Variants in DOCK5 observed in about 807,000 individuals in gnomAD.
The protein encoded by DOCK5 is dedicator of cytokinesis protein 5.
A neutral mutation model predicts 251.8 loss-of-function variants in DOCK5; 142 were observed. That is an observed-to-expected ratio of 0.56 (90% CI 0.49 to 0.65). The LOEUF is 0.65. Among genes scored for constraint, DOCK5 ranks in the 30% least tolerant of loss-of-function variants. DOCK5 has a pLI of 0.00. For missense variants in DOCK5, 2,111 were observed against 2,312.3 expected (o/e 0.91, Z 1.79); for synonymous variants, 842 against 835.5 (o/e 1.01, Z -0.13).
In DOCK5 at chr8:25,410,048, C is replaced by T; in HGVS notation, c.5405-51C>T. 3 of 1,485,810 alleles carry T rather than the reference C, an allele frequency of 2.0e-6. No homozygotes were observed. In the South Asian group the frequency reaches 3.6e-5, roughly 18 times the overall value. The allele number at this position is 1,485,810 out of a possible 1,614,324, so 92.0% of individuals were successfully genotyped here. A position where few individuals can be genotyped will look rare whatever the true frequency, so the allele number is the denominator to read the frequency against. ...ACAGTGCCAGCAACATTTCCATGAG[C>T]TTCCTTGCTCAGTGCCTCTCTCTGC... On this transcript the variant is annotated intron_variant, in intron 50 of 51. Transcript: ENST00000276440.
intron 1 of DOCK5, among the ~76,000 whole-genome samples, chr8:25,241,963 A>G (rs1379239099): frequency 1.4e-5 from 2 of 147,556 alleles, no homozygotes; most frequent in Non-Finnish European, 3.0e-5. Context: ...TGAGAACACA[A>G]GGACACAGGG....
chr8:25,325,228 C>T (rs1444816736), intron 17 of DOCK5, 136 bp from the exon 18 acceptor site: 5 of 831,648 alleles, frequency 6.0e-6, no homozygotes, highest in Non-Finnish European at 9.4e-6. Flanking sequence ...CAGAGTATCT[C>T]AGAGGTGGAA....
At position 25,321,172 on chromosome 8, in the gene DOCK5, T is replaced by C. The variant is rs951578365; in HGVS notation, c.1615+120T>C. Reference sequence around the variant, plus strand: ...AAACTAGAGACTTGGCAGCTGTATTTTGTAACTCACTGGTGCTAAGGAAAT... The same window carrying C: ...AAACTAGAGACTTGGCAGCTGTATTCTGTAACTCACTGGTGCTAAGGAAAT... On this transcript the variant is annotated intron_variant, in intron 16 of 51. Transcript: ENST00000276440. 5 of 828,910 alleles carry C rather than the reference T, an allele frequency of 6.0e-6. No homozygotes were observed. The Admixed American group carries it at 6.7e-5, about 11-fold the overall frequency. 51.3% of individuals were successfully genotyped at this position (828,910 alleles called of 1,614,324 possible). A position where few individuals can be genotyped will look rare whatever the true frequency, so the allele number is the denominator to read the frequency against.
At chr8:25,362,998 C>T in intron 28 of DOCK5, 49 bp from the exon 29 acceptor site, 1 of 1,417,906 alleles carries the variant, frequency 7.1e-7, no homozygotes, top group Non-Finnish European at 1.0e-6. Flanking sequence ...AGAATAAAGA[C>T]TATGAACGTA....
chr8:25,320,077 C>T (rs1292850604), intron 15 of DOCK5, among the ~76,000 whole-genome samples: 1 of 152,146 alleles, frequency 6.6e-6, no homozygotes, highest in Non-Finnish European at 1.5e-5. Flanking sequence ...CAGTCATCTC[C>T]TTTGAGCCCC....
At chr8:25,256,797 T>G (rs1803431291) in intron 2 of DOCK5, among the ~76,000 whole-genome samples, 1 of 152,126 alleles carries the variant, frequency 6.6e-6, no homozygotes, top group African/African-American at 2.4e-5. Flanking sequence ...CCATTTGGTC[T>G]CTGCCAAGGC....
intron 5 of DOCK5, among the ~76,000 whole-genome samples, chr8:25,282,922 A>C (rs1804239121): frequency 2.8e-5 from 4 of 141,700 alleles, no homozygotes; most frequent in Admixed American, 2.2e-4. Flanking sequence ...TCTATAGTAC[A>C]TTTCCTTGTT....
chr8:25,368,792 C>T, intron 33 of DOCK5, 67 bp downstream of exon 33: 1 of 1,479,492 alleles, frequency 6.8e-7, no homozygotes. Context: ...TCATTTCTTT[C>T]TATATAGAGA....
At chr8:25,222,541 A>G (rs1482943004) in intron 1 of DOCK5, among the ~76,000 whole-genome samples, 2 of 152,178 alleles carry the variant, frequency 1.3e-5, no homozygotes, top group Admixed American at 6.5e-5. Flanking sequence ...GAGAATAAGT[A>G]AGAAGATCTC....
At chr8:25,331,823 G>T (rs1460106949) in intron 18 of DOCK5, among the ~76,000 whole-genome samples, 18 of 150,112 alleles carry the variant, frequency 1.2e-4, no homozygotes, top group East Asian at 5.9e-4. Context: ...GAGAGAGAGA[G>T]AGAGAGAGAG....
At chr8:25,194,415 C>T (rs985787403) in intron 1 of DOCK5, among the ~76,000 whole-genome samples, 7 of 152,120 alleles carry the variant, frequency 4.6e-5, no homozygotes, top group African/African-American at 1.7e-4. Flanking sequence ...ACTTTTGATC[C>T]CATTTCTCCA....
intron 7 of DOCK5, among the ~76,000 whole-genome samples, chr8:25,296,959 TA>T (rs1804632307): frequency 6.6e-6 from 1 of 152,132 alleles, no homozygotes; most frequent in African/African-American, 2.4e-5. Context: ...TCTGAAATAA[TA>T]GACAAGAAAT....
intron 16 of DOCK5, among the ~76,000 whole-genome samples, chr8:25,322,518 G>T (rs1228072922): frequency 6.6e-6 from 1 of 152,088 alleles, no homozygotes; most frequent in African/African-American, 2.4e-5. Flanking sequence ...CATTTTTTAG[G>T]TCTAAATGGC....
At chr8:25,319,152 A>G (rs894630619) in intron 14 of DOCK5, among the ~76,000 whole-genome samples, 5 of 152,184 alleles carry the variant, frequency 3.3e-5, no homozygotes, top group Non-Finnish European at 7.3e-5. Flanking sequence ...TGCTGTGCCA[A>G]TACCCTAAGT....
At chr8:25,378,823 T>G (rs556195174) in intron 38 of DOCK5, among the ~76,000 whole-genome samples, 1 of 152,320 alleles carries the variant, frequency 6.6e-6, no homozygotes, top group South Asian at 2.1e-4. Flanking sequence ...TATTTCAACA[T>G]AGGTTCTTTC....
intron 1 of DOCK5, among the ~76,000 whole-genome samples, chr8:25,190,929 G>A (rs1028821232): frequency 5.3e-5 from 8 of 151,544 alleles, no homozygotes; most frequent in Non-Finnish European, 7.4e-5. Context: ...GACTACAGGC[G>A]CCCGCCACTG....
At chr8:25,368,387 TG>T in intron 32 of DOCK5, 137 bp downstream of exon 32, 1 of 1,079,218 alleles carries the variant, frequency 9.3e-7, no homozygotes, top group Non-Finnish European at 1.3e-6. Context: ...AGTTGATTTG[TG>T]GGTTTCATTG....
intron 1 of DOCK5, among the ~76,000 whole-genome samples, chr8:25,194,982 G>A (rs986592871): frequency 6.6e-6 from 1 of 151,858 alleles, no homozygotes; most frequent in Admixed American, 6.6e-5. Flanking sequence ...GTGTAGTGGC[G>A]CAATCTTGGC....
chr8:25,403,311 T>C (rs1435599838), intron 47 of DOCK5, among the ~76,000 whole-genome samples: 1 of 152,230 alleles, frequency 6.6e-6, no homozygotes, highest in Non-Finnish European at 1.5e-5. Flanking sequence ...CAGAAAATTA[T>C]GACAACTTTT....
Sources: gnomAD v4.1 joint callset for allele counts (sites outside exome capture counted in the v4.1 genomes callset) on GRCh38, gnomAD v4.1.1 for gene constraint, MANE v1.5 for transcripts, NCBI Gene and HGNC (gene_info 2026-07-23, HGNC 2026-07-21) for gene names.